The following CACNA2D3 variants were observed in gnomAD, a reference collection of about 807,000 sequenced individuals.
The protein encoded by CACNA2D3 is calcium voltage-gated channel auxiliary subunit alpha2delta 3.
In CACNA2D3, 60 loss-of-function variants were observed where a neutral mutation model predicts 160.6. The ratio of observed to expected loss-of-function variants is 0.37; its 90% CI spans 0.30 to 0.46. The LOEUF (loss-of-function observed/expected upper bound fraction) is 0.46, where lower values mean the gene tolerates loss of function less well. Ranked by LOEUF, CACNA2D3 falls within the 20% of genes least tolerant of loss-of-function variation. The probability of loss-of-function intolerance (pLI) is 1.00; values close to 1 mark genes in which losing one functional copy is unlikely to be tolerated. For missense variants in CACNA2D3, 1,205 were observed against 1,365.0 expected (o/e 0.88, Z 1.85); for synonymous variants, 558 against 492.9 (o/e 1.13, Z -1.75).
intron 35 of CACNA2D3, among the ~76,000 whole-genome samples, chr3:55,049,176 T>C (rs1441247232): frequency 6.6e-6 from 1 of 151,554 alleles, no homozygotes. Flanking sequence ...GCTTGTCTAG[T>C]TCTTCTAATT....
intron 11 of CACNA2D3, among the ~76,000 whole-genome samples, chr3:54,733,061 G>T (rs1487259230): frequency 6.6e-6 from 1 of 152,208 alleles, no homozygotes; most frequent in African/African-American, 2.4e-5. Context: ...GTCCTAGCGA[G>T]AAGTCATTTG....
At chr3:54,412,682 T>G (rs1013322347) in intron 4 of CACNA2D3, among the ~76,000 whole-genome samples, 1 of 151,262 alleles carries the variant, frequency 6.6e-6, no homozygotes, top group African/African-American at 2.4e-5. Flanking sequence ...ATGTAATTAT[T>G]CATATAATTG....
At chr3:54,759,692 T>G (rs1434231735) in intron 12 of CACNA2D3, among the ~76,000 whole-genome samples, 1 of 152,174 alleles carries the variant, frequency 6.6e-6, no homozygotes, top group Admixed American at 6.5e-5. Flanking sequence ...TGTTGCTCAT[T>G]GCTCAAAGGA....
At chr3:54,242,290 A>T (rs1701988463) in intron 2 of CACNA2D3, among the ~76,000 whole-genome samples, 1 of 151,834 alleles carries the variant, frequency 6.6e-6, no homozygotes. Flanking sequence ...AAACAAACAA[A>T]CAAAAAGCCA....
At chr3:54,376,710 C>T (rs1699019015) in intron 3 of CACNA2D3, among the ~76,000 whole-genome samples, 1 of 152,170 alleles carries the variant, frequency 6.6e-6, no homozygotes, top group East Asian at 1.9e-4. Context: ...TCAGCAGCAG[C>T]AGCAAGATAA....
At chr3:54,136,813 C>A (rs539234016) in intron 2 of CACNA2D3, among the ~76,000 whole-genome samples, 1 of 152,384 alleles carries the variant, frequency 6.6e-6, no homozygotes, top group South Asian at 2.1e-4. Context: ...CTCCAAGAGA[C>A]CCTGGCCCAG....
chr3:54,752,074 C>T (rs944041612), intron 11 of CACNA2D3, among the ~76,000 whole-genome samples: 19 of 151,888 alleles, frequency 1.3e-4, no homozygotes, highest in African/African-American at 4.6e-4. Flanking sequence ...CATAGATCTC[C>T]TGGCCACAGG....
chr3:54,534,964 T>C (rs920624983), intron 5 of CACNA2D3, among the ~76,000 whole-genome samples: 1 of 152,140 alleles, frequency 6.6e-6, no homozygotes, highest in Admixed American at 6.6e-5. Context: ...ATGATTCCTA[T>C]CTTCTCCGTC....
At chr3:54,934,451 A>G (rs1405427304) in intron 27 of CACNA2D3, among the ~76,000 whole-genome samples, 1 of 152,132 alleles carries the variant, frequency 6.6e-6, no homozygotes, top group Non-Finnish European at 1.5e-5. Flanking sequence ...AGGTTCAAGG[A>G]ATGCCTAGGA....
chr3:54,645,893 C>T (rs990079720), intron 11 of CACNA2D3, among the ~76,000 whole-genome samples: 3 of 152,110 alleles, frequency 2.0e-5, no homozygotes, highest in African/African-American at 7.2e-5. Context: ...CACTATATCC[C>T]ATCCTGCCAA....
Position 54,626,095 on chromosome 3 carries a change from G to T in CACNA2D3, c.964-1692G>T. On this transcript the variant is annotated intron_variant, in intron 9 of 37. Transcript: ENST00000474759. ...GACTCCCCCTGCCAGTTTCCCCAGC[G>T]GACAAAAGTGGGGATGCCTTTGGGG... The T allele has an allele frequency of 8.6e-6, 5 of 580,698 alleles. No homozygotes were observed. In the East Asian group the frequency reaches 1.4e-4, roughly 17 times the overall value. 36.0% of individuals were successfully genotyped at this position (580,698 alleles called of 1,614,324 possible).
At chr3:54,486,288 T>C (rs1456993507) in intron 4 of CACNA2D3, among the ~76,000 whole-genome samples, 1 of 152,180 alleles carries the variant, frequency 6.6e-6, no homozygotes, top group Non-Finnish European at 1.5e-5. Context: ...CACTTCCATA[T>C]CTTAAGATAA....
At chr3:54,392,243 C>T in intron 4 of CACNA2D3, among the ~76,000 whole-genome samples, 1 of 152,078 alleles carries the variant, frequency 6.6e-6, no homozygotes, top group East Asian at 1.9e-4. Context: ...TAGTACAATT[C>T]AGAATGCGTT....
At chr3:54,235,580 C>T (rs1300695720) in intron 2 of CACNA2D3, among the ~76,000 whole-genome samples, 2 of 152,178 alleles carry the variant, frequency 1.3e-5, no homozygotes, top group Non-Finnish European at 2.9e-5. Flanking sequence ...GTGATCCAGT[C>T]CCCTCCCCTC....
intron 5 of CACNA2D3, among the ~76,000 whole-genome samples, chr3:54,517,888 T>G (rs988865123): frequency 6.6e-6 from 1 of 152,222 alleles, no homozygotes; most frequent in South Asian, 2.1e-4. Flanking sequence ...AGGACCCCAC[T>G]GGGCTGAGGT....
intron 2 of CACNA2D3, among the ~76,000 whole-genome samples, chr3:54,289,903 T>C (rs1420188879): frequency 3.9e-5 from 6 of 151,968 alleles, no homozygotes; most frequent in Admixed American, 1.3e-4. Context: ...ATACAAAAAT[T>C]AATTCAAGAT....
chr3:55,048,297 GT>G (rs1704107334), intron 35 of CACNA2D3, among the ~76,000 whole-genome samples: 1 of 137,050 alleles, frequency 7.3e-6, no homozygotes, highest in African/African-American at 2.8e-5. Context: ...TTTCTTGAGA[GT>G]TTTTAGCATG....
intron 4 of CACNA2D3, among the ~76,000 whole-genome samples, chr3:54,498,172 A>G (rs965562146): frequency 6.6e-6 from 1 of 151,408 alleles, no homozygotes; most frequent in African/African-American, 2.4e-5. Context: ...TTTTTCTCAT[A>G]TATTTGATAG....
At chr3:55,015,301 A>G (rs1464809049) in intron 34 of CACNA2D3, among the ~76,000 whole-genome samples, 1 of 152,232 alleles carries the variant, frequency 6.6e-6, no homozygotes, top group African/African-American at 2.4e-5. Flanking sequence ...TACTCAGTGG[A>G]TGAATTTGGG....
Sources: gnomAD v4.1 joint callset for allele counts (sites outside exome capture counted in the v4.1 genomes callset) on GRCh38, gnomAD v4.1.1 for gene constraint, MANE v1.5 for transcripts, NCBI Gene and HGNC (gene_info 2026-07-23, HGNC 2026-07-21) for gene names.